The following GNAI3 variants were observed in gnomAD, a reference collection of about 807,000 sequenced individuals.
The protein encoded by GNAI3 is G protein subunit alpha i3.
GNAI3 carries 12 observed loss-of-function variants against 41.8 expected under a neutral mutation model. That is an observed-to-expected ratio of 0.29 (90% CI 0.18 to 0.47). GNAI3 has a LOEUF of 0.47. Ranked by LOEUF, GNAI3 falls within the 20% of genes least tolerant of loss-of-function variation. The probability of loss-of-function intolerance (pLI) is 1.00; values close to 1 mark genes in which losing one functional copy is unlikely to be tolerated. For synonymous variants in GNAI3, 132 were observed against 146.5 expected, an observed-to-expected ratio of 0.90 and a Z score of 0.71; for missense variants, 360 against 429.6, an observed-to-expected ratio of 0.84 and a Z score of 1.43.
At chr1:109,582,943 T>G (rs1648931937) in intron 5 of GNAI3, among the ~76,000 whole-genome samples, 1 of 152,226 alleles carries the variant, frequency 6.6e-6, no homozygotes, top group Non-Finnish European at 1.5e-5. Context: ...AAACCAGTTT[T>G]TTTTCGGTTA....
intron 4 of GNAI3, among the ~76,000 whole-genome samples, chr1:109,581,933 G>C (rs1312571448): frequency 1.3e-5 from 2 of 151,818 alleles, no homozygotes; most frequent in Non-Finnish European, 2.9e-5. Flanking sequence ...ACCTACTTTT[G>C]TTAATATATA....
intron 1 of GNAI3, among the ~76,000 whole-genome samples, chr1:109,554,795 A>G (rs1312828711): frequency 1.3e-5 from 2 of 152,154 alleles, no homozygotes; most frequent in African/African-American, 2.4e-5. Context: ...GCCAATGGCT[A>G]GAAGGGTTTT....
rs142883726 is a variant in GNAI3 at position 109,581,060 on chromosome 1, A to G, written c.462-1377A>G. Among the ~76,000 whole-genome samples, 8 of 152,272 alleles carry G rather than the reference A, an allele frequency of 5.3e-5. No homozygotes were observed. In the East Asian group the frequency reaches 1.3e-3, roughly 26 times the overall value. ...CTGAATCCTCTAACTACATGTGCTT[A>G]TAGAGATTTTCATAACTGTTGATCT... On this transcript the variant is annotated intron_variant, in intron 4 of 8. Transcript: ENST00000369851.
In GNAI3 at chr1:109,548,671, T is replaced by G. The variant is rs753570543; in HGVS notation, c.-50T>G. On this transcript the variant is annotated 5_prime_UTR_variant, in exon 1 of 9. Coordinates refer to ENST00000369851, the MANE Select transcript of GNAI3 (RefSeq NM_006496.4). ...GTGCCTCAGCCTGCCGAGCCGCAGT[T>G]TCCGTGGTGTGAGTGAGTCCGGGCC... 1 of 1,335,116 alleles carries G rather than the reference T, an allele frequency of 7.5e-7. No individual in the cohort carries two copies. The highest frequency in any genetic ancestry group is 1.1e-6 in the Non-Finnish European group (1 of 930,698). 82.7% of individuals were successfully genotyped at this position (1,335,116 alleles called of 1,614,324 possible).
In GNAI3 at chr1:109,593,018, C is replaced by T. The variant is rs1449839647; in HGVS notation, c.*696C>T. ...CAATAAGATTCTAGTTCTCTCTTTT[C>T]TTTAAGCTTATGGTTGAAGGTTAAC... On this transcript the variant is annotated 3_prime_UTR_variant, in exon 9 of 9. Transcript: ENST00000369851. 1 of 152,600 alleles carries T rather than the reference C, an allele frequency of 6.6e-6. No individual in the cohort carries two copies. The highest frequency in any genetic ancestry group is 6.5e-5 in the Admixed American group (1 of 15,280). 9.5% of individuals were successfully genotyped at this position (152,600 alleles called of 1,614,324 possible). A position where few individuals can be genotyped will look rare whatever the true frequency, so the allele number is the denominator to read the frequency against.
intron 4 of GNAI3, among the ~76,000 whole-genome samples, chr1:109,581,486 G>A (rs956092485): frequency 6.6e-6 from 1 of 152,110 alleles, no homozygotes; most frequent in Non-Finnish European, 1.5e-5. Flanking sequence ...ACAGTACACA[G>A]TTGATTTAGT....
At chr1:109,577,524 C>T (rs1648782425) in intron 3 of GNAI3, among the ~76,000 whole-genome samples, 1 of 152,138 alleles carries the variant, frequency 6.6e-6, no homozygotes, top group South Asian at 2.1e-4. Flanking sequence ...ATCCACCCGC[C>T]TCGGCCTCCC....
intron 1 of GNAI3, among the ~76,000 whole-genome samples, chr1:109,570,732 TGAGGACAAA>T (rs1193238598): frequency 6.6e-6 from 1 of 152,164 alleles, no homozygotes; most frequent in East Asian, 1.9e-4. Flanking sequence ...ACAAGAGCTG[TGAGGACAAA>T]GTGGAGAGTA....
At chr1:109,588,928 G>A (rs113557875) in intron 7 of GNAI3, among the ~76,000 whole-genome samples, 141 of 152,266 alleles carry the variant, frequency 9.3e-4, no homozygotes, top group African/African-American at 3.2e-3. Flanking sequence ...AAGTGAAGGG[G>A]TAAAGCAGGG....
intron 1 of GNAI3, among the ~76,000 whole-genome samples, chr1:109,562,684 T>C (rs1422838883): frequency 6.6e-6 from 1 of 152,208 alleles, no homozygotes; most frequent in African/African-American, 2.4e-5. Flanking sequence ...GTGTTTGCTG[T>C]TGGTGAATTT....
rs560624457 is a variant in GNAI3, at chr1:109,553,610, A to G, written c.118+4772A>G. Reference sequence around the variant, plus strand: ...CTTGGGATAAGGTTCATGGCCAGTTACATTTCATGTGAGGATGCATCTGTG... The same window carrying G: ...CTTGGGATAAGGTTCATGGCCAGTTGCATTTCATGTGAGGATGCATCTGTG... On this transcript the variant is annotated intron_variant, in intron 1 of 8. Coordinates refer to ENST00000369851, the MANE Select transcript of GNAI3 (RefSeq NM_006496.4). Among the ~76,000 whole-genome samples, 6 of 152,304 alleles carry G rather than the reference A, an allele frequency of 3.9e-5. No homozygotes were observed. In the East Asian group the frequency reaches 1.2e-3, roughly 29 times the overall value.
chr1:109,565,999 A>G (rs182041219), intron 1 of GNAI3, among the ~76,000 whole-genome samples: 1 of 152,314 alleles, frequency 6.6e-6, no homozygotes, highest in Non-Finnish European at 1.5e-5. Flanking sequence ...ATAGTCAAAT[A>G]ATTTTTTTAC....
chr1:109,568,574 A>G (rs1294837830), intron 1 of GNAI3, among the ~76,000 whole-genome samples: 1 of 152,090 alleles, frequency 6.6e-6, no homozygotes. Flanking sequence ...ACAAAACCCC[A>G]TGTTTAGGTA....
At chr1:109,588,013 T>C (rs1649076471) in intron 7 of GNAI3, among the ~76,000 whole-genome samples, 1 of 152,224 alleles carries the variant, frequency 6.6e-6, no homozygotes, top group African/African-American at 2.4e-5. Context: ...TTATTCTTTC[T>C]TTCCTAACCA....
At chr1:109,578,106 TAAAAATCTCATA>T (rs1170425940) in intron 3 of GNAI3, among the ~76,000 whole-genome samples, 1 of 152,072 alleles carries the variant, frequency 6.6e-6, no homozygotes, top group Non-Finnish European at 1.5e-5. Flanking sequence ...AGGAAAACAA[TAAAAATCTCATA>T]ATCCATTTCT....
At position 109,574,033 on chromosome 1, in the gene GNAI3, G is replaced by C; in HGVS notation, c.299G>C (p.Arg100Thr). 1.2e-6 allele frequency: 2 copies of C among 1,605,980 alleles called. No individual in the cohort carries two copies. The highest frequency in any genetic ancestry group is 1.7e-6 in the Non-Finnish European group (2 of 1,177,188). Residue 100 changes from arginine to threonine, a missense_variant, in exon 3 of 9, where the codon AGG (arginine) becomes ACG (threonine). Coordinates refer to ENST00000369851, the MANE Select transcript of GNAI3 (RefSeq NM_006496.4). The part of the protein sequence containing the change: ...RLKIDFGEAA[R>T]ADDARQLFVL... ...AAGATTGACTTTGGGGAAGCTGCCAGGGCAGTAAGTGTTTCTCATTTCCTC... is the reference window on the plus strand; with the variant it reads ...AAGATTGACTTTGGGGAAGCTGCCACGGCAGTAAGTGTTTCTCATTTCCTC...
intron 1 of GNAI3, among the ~76,000 whole-genome samples, chr1:109,569,679 A>C (rs1395927516): frequency 6.6e-6 from 1 of 152,202 alleles, no homozygotes; most frequent in Non-Finnish European, 1.5e-5. Flanking sequence ...ATGGTTTTAA[A>C]AATAGTGCCC....
At chr1:109,572,183 G>A (rs1197701824) in intron 1 of GNAI3, among the ~76,000 whole-genome samples, 2 of 151,850 alleles carry the variant, frequency 1.3e-5, no homozygotes, top group Non-Finnish European at 2.9e-5. Context: ...TGTGGCAGGC[G>A]CCTGTAATCT....
chr1:109,582,511 T>C lies in GNAI3; in HGVS notation c.536T>C (p.Val179Ala). Residue 179 changes from valine (V) to alanine (A), a missense_variant, in exon 5 of 9, where the codon GTG (valine) becomes GCG (alanine). Physicochemically the swap from Val to Ala is moderately conservative, Grantham distance 64. Transcript: ENST00000369851. ...PTQQDVLRTRVKTTGIVETHF... is the reference protein window; with the variant it reads ...PTQQDVLRTRAKTTGIVETHF... The stretch of plus-strand genomic sequence containing the variant: ...CAGCAAGATGTTCTTCGGACGAGAG[T>C]GAAGACCACAGGCATTGTAGAAACA... 4 of 1,598,650 alleles carry C rather than the reference T, an allele frequency of 2.5e-6. No individual in the cohort carries two copies. Among genetic ancestry groups the C allele is most frequent in the Non-Finnish European group, 3.4e-6 (4 of 1,165,960 alleles).
Sources: gnomAD v4.1 joint callset for allele counts (sites outside exome capture counted in the v4.1 genomes callset) on GRCh38, gnomAD v4.1.1 for gene constraint, MANE v1.5 for transcripts, NCBI Gene and HGNC (gene_info 2026-07-23, HGNC 2026-07-21) for gene names.